The following RUBCNL variants were observed in gnomAD, a reference collection of about 807,000 sequenced individuals.
RUBCNL encodes the protein protein associated with UVRAG as autophagy enhancer.
RUBCNL carries 62 observed loss-of-function variants against 69.5 expected under a neutral mutation model. That is an observed-to-expected ratio of 0.89 (90% CI 0.73 to 1.10). RUBCNL has a LOEUF of 1.10. RUBCNL is among the 50% of genes least tolerant of loss of function. RUBCNL has a pLI of 0.00. For missense variants in RUBCNL, 768 were observed against 798.1 expected (o/e 0.96, Z 0.45); for synonymous variants, 291 against 303.6 (o/e 0.96, Z 0.43).
Position 46,350,163 on chromosome 13 carries a change from T to C in RUBCNL, c.1519A>G (p.Ser507Gly). 2.5e-6 allele frequency: 4 copies of C among 1,585,910 alleles called. No homozygotes were observed. Among genetic ancestry groups the C allele is most frequent in the Non-Finnish European group, 3.4e-6 (4 of 1,165,470 alleles). ...IWHQPIFNLL[S>G]IGQSLYAKAK... ...TTCGCATACAGGCTTTGGCCGATGC[T>C]CAGCAAATTGAAAATGGGCTGGTGC... is the stretch of plus-strand genomic sequence containing the variant. Residue 507 changes from serine (S) to glycine (G), a missense_variant, in exon 11 of 15, where the codon AGC (serine) becomes GGC (glycine). Coordinates refer to ENST00000429979, the MANE Select transcript of RUBCNL (RefSeq NM_025113.5).
At chr13:46,381,493 T>A (rs1208092139) in intron 1 of RUBCNL, among the ~76,000 whole-genome samples, 1 of 152,200 alleles carries the variant, frequency 6.6e-6, no homozygotes, top group Non-Finnish European at 1.5e-5. Context: ...CTTTTTGAGG[T>A]GATGAAAATG....
rs1267120018 is a variant in RUBCNL at position 46,339,873 on chromosome 13, A to AAAAACAAAAAC, written c.*3511_*3512insGTTTTTGTTTT. Reference sequence around the variant, plus strand: ...GACTCCATTTCAAAAAAACAAAAACAAAAACAAAACAAAACAAAAAAACCC... The same window carrying AAAAACAAAAAC: ...GACTCCATTTCAAAAAAACAAAAACAAAAACAAAAACAAAACAAAACAAAACAAAAAAACCC... On this transcript the variant is annotated 3_prime_UTR_variant, in exon 15 of 15. Coordinates refer to ENST00000429979, the MANE Select transcript of RUBCNL (RefSeq NM_025113.5). 2.6e-5 allele frequency among the ~76,000 whole-genome samples: 4 copies of AAAAACAAAAAC among 151,916 alleles called. No homozygotes were observed. The highest frequency in any genetic ancestry group is 5.9e-5 in the Non-Finnish European group (4 of 67,968).
Position 46,337,246 on chromosome 13 carries a change from G to A in RUBCNL, c.*6139C>T, listed in dbSNP as rs1449691837. Among the ~76,000 whole-genome samples the A allele has an allele frequency of 6.6e-6, 1 of 152,088 alleles. No homozygotes were observed. Among genetic ancestry groups the A allele is most frequent in the African/African-American group, 2.4e-5 (1 of 41,416 alleles). On this transcript the variant is annotated 3_prime_UTR_variant, in exon 15 of 15. Transcript: ENST00000429979. ...CAACCTTCAACTCCCTGGTTCAAGC[G>A]ATTCTTCTGCCTCAGCCTCCCGAGT...
At chr13:46,387,030 C>T in intron 1 of RUBCNL, 104 bp downstream of exon 1, 2 of 925,906 alleles carry the variant, frequency 2.2e-6, no homozygotes, top group Non-Finnish European at 2.6e-6. Flanking sequence ...TCTCTGGCGC[C>T]ACTTCCACCA....
At chr13:46,352,042 G>A (rs2048381217) in intron 10 of RUBCNL, among the ~76,000 whole-genome samples, 1 of 151,968 alleles carries the variant, frequency 6.6e-6, no homozygotes, top group African/African-American at 2.4e-5. Context: ...TGGCCAGGCT[G>A]GTCTCAAACT....
intron 2 of RUBCNL, among the ~76,000 whole-genome samples, chr13:46,372,987 T>A (rs2048912573): frequency 6.6e-6 from 1 of 152,104 alleles, no homozygotes; most frequent in Admixed American, 6.5e-5. Context: ...CTTTTTTTTT[T>A]TTTAAACACA....
At chr13:46,362,908 T>G (rs1223215082) in intron 6 of RUBCNL, among the ~76,000 whole-genome samples, 3 of 121,158 alleles carry the variant, frequency 2.5e-5, no homozygotes, top group Non-Finnish European at 5.0e-5. Context: ...ATCCAGACAT[T>G]TGAAACAAGA....
In RUBCNL at chr13:46,386,738, C is replaced by A. The variant is rs551840029; in HGVS notation, c.-239+396G>T. On this transcript the variant is annotated intron_variant, in intron 1 of 14. Transcript: ENST00000429979. ...TCCACGACTTTGGCTGTGTTGAGGACGAAAACAGAGAAAAGACACTGATCC... is the reference window on the plus strand; with the variant it reads ...TCCACGACTTTGGCTGTGTTGAGGAAGAAAACAGAGAAAAGACACTGATCC... Among the ~76,000 whole-genome samples the A allele has an allele frequency of 2.0e-5, 3 of 152,258 alleles. 1 individual carries two copies. The South Asian group carries it at 6.2e-4, about 32-fold the overall frequency.
intron 1 of RUBCNL, chr13:46,378,512 C>T (rs1238836787): frequency 2.0e-5 from 3 of 152,826 alleles, no homozygotes; most frequent in African/African-American, 7.2e-5. Context: ...TACTAGTGAA[C>T]ATATAAGCTG....
At chr13:46,348,870 G>A (rs1435762676) in intron 12 of RUBCNL, among the ~76,000 whole-genome samples, 2 of 152,038 alleles carry the variant, frequency 1.3e-5, no homozygotes, top group Admixed American at 1.3e-4. Flanking sequence ...CCAAAGTACT[G>A]GGATTACAGG....
At position 46,368,107 on chromosome 13, in the gene RUBCNL, A is replaced by G. The variant is rs753639918; in HGVS notation, c.761T>C (p.Met254Thr). 6.2e-7 allele frequency: 1 copy of G among 1,614,006 alleles called. No individual in the cohort carries two copies. The highest frequency in any genetic ancestry group is 1.7e-5 in the Admixed American group (1 of 60,030). ...TTGCTTTATGTTGGTATCAAAAGTCATTTCAGAGTCAGGCTGATCACTCCC... is the reference window on the plus strand; with the variant it reads ...TTGCTTTATGTTGGTATCAAAAGTCGTTTCAGAGTCAGGCTGATCACTCCC... ...LLGSDQPDSEMTFDTNIKQES... is the reference protein window; with the variant it reads ...LLGSDQPDSETTFDTNIKQES... Residue 254 changes from methionine (M) to threonine (T), a missense_variant, in exon 5 of 15, where the codon ATG becomes ACG. Physicochemically the swap from Met to Thr is moderately conservative, Grantham distance 81. Coordinates refer to ENST00000429979, the MANE Select transcript of RUBCNL (RefSeq NM_025113.5).
chr13:46,359,604 C>A lies in RUBCNL; in HGVS notation c.1147G>T (p.Asp383Tyr). ...ACTACATTCATACTGGATTCAAAGTCTTTTCGGACACACTCTTCATTTACG... is the reference window on the plus strand; with the variant it reads ...ACTACATTCATACTGGATTCAAAGTATTTTCGGACACACTCTTCATTTACG... Reference protein sequence around the residue: ...IVVNEECVRKDFESSMNVVQE... With the variant: ...IVVNEECVRKYFESSMNVVQE... Residue 383 changes from aspartate (D) to tyrosine (Y), a missense_variant, in exon 9 of 15, where the codon GAC becomes TAC. Transcript: ENST00000429979. 1 of 1,591,534 alleles carries A rather than the reference C, an allele frequency of 6.3e-7. No homozygotes were observed. The highest frequency in any genetic ancestry group is 8.6e-7 in the Non-Finnish European group (1 of 1,167,936).
intron 14 of RUBCNL, among the ~76,000 whole-genome samples, chr13:46,344,334 A>G (rs1240832447): frequency 2.6e-5 from 4 of 152,218 alleles, no homozygotes; most frequent in African/African-American, 9.7e-5. Flanking sequence ...AGAGCCAGAT[A>G]GCAAATGTTT....
At chr13:46,362,511 T>C (rs1189791989) in intron 7 of RUBCNL, 27 bp downstream of exon 7, 2 of 1,560,422 alleles carry the variant, frequency 1.3e-6, no homozygotes, top group Non-Finnish European at 1.8e-6. Flanking sequence ...CAAGGGTCTA[T>C]GTGCACTGTG....
In RUBCNL at chr13:46,372,532, T is replaced by C; in HGVS notation, c.-57A>G. On this transcript the variant is annotated 5_prime_UTR_variant, in exon 3 of 15. Transcript: ENST00000429979. The stretch of plus-strand genomic sequence containing the variant: ...TCAAAACAGATAGGAGTTCCCTGAT[T>C]GCTGGTACTACTTGATTTGGGCCCT... 3 of 1,525,186 alleles carry C rather than the reference T, an allele frequency of 2.0e-6. No homozygotes were observed. Among genetic ancestry groups the C allele is most frequent in the Non-Finnish European group, 2.6e-6 (3 of 1,132,300 alleles). The allele number at this position is 1,525,186 out of a possible 1,614,324, so 94.5% of individuals were successfully genotyped here.
intron 2 of RUBCNL, among the ~76,000 whole-genome samples, chr13:46,375,831 C>A (rs1178654830): frequency 6.6e-6 from 1 of 152,122 alleles, no homozygotes; most frequent in African/African-American, 2.4e-5. Context: ...ACACAGTTGA[C>A]CCTTGAACAA....
At chr13:46,387,800 G>T (rs2049283337), upstream of RUBCNL, 2 of 985,498 alleles carry the variant, frequency 2.0e-6, no homozygotes, top group Non-Finnish European at 2.4e-6. Context: ...TCGTCACCTT[G>T]TCCTCTTGCA....
In RUBCNL at chr13:46,345,603, G is replaced by A; in HGVS notation, c.1632-3C>T. 1.2e-6 allele frequency: 2 copies of A among 1,612,986 alleles called. No homozygotes were observed. Among genetic ancestry groups the A allele is most frequent in the Middle Eastern group, 1.7e-4 (1 of 6,056 alleles). The stretch of plus-strand genomic sequence containing the variant: ...CCTGCTCGAACTCCTTTAATGCACT[G>A]CCAGAGAGGAAACAAAGAGGAATTC... On this transcript the variant is annotated splice_polypyrimidine_tract_variant and splice_region_variant and intron_variant, in intron 12 of 14. Transcript: ENST00000429979.
intron 9 of RUBCNL, among the ~76,000 whole-genome samples, chr13:46,359,159 A>C (rs1047910966): frequency 5.3e-5 from 8 of 151,948 alleles, no homozygotes; most frequent in African/African-American, 1.9e-4. Flanking sequence ...ATTGTATATA[A>C]TTTTTAAGTT....
Sources: gnomAD v4.1 joint callset for allele counts (sites outside exome capture counted in the v4.1 genomes callset) on GRCh38, gnomAD v4.1.1 for gene constraint, MANE v1.5 for transcripts, NCBI Gene and HGNC (gene_info 2026-07-23, HGNC 2026-07-21) for gene names.